Variants in C12orf42 observed in about 807,000 individuals in gnomAD.
The protein encoded by C12orf42 is chromosome 12 open reading frame 42.
Under a neutral mutation model 21.6 loss-of-function variants are expected in C12orf42, and 25 were observed. That is an observed-to-expected ratio of 1.16 (90% CI 0.84 to 1.62). The LOEUF is 1.62. Ranked by LOEUF, C12orf42 falls within the 40% of genes most tolerant of loss-of-function variation. The pLI, the probability that C12orf42 is intolerant of heterozygous loss-of-function variation, is 0.00. For synonymous variants in C12orf42, 174 were observed against 175.0 expected, an observed-to-expected ratio of 0.99 and a Z score of 0.05; for missense variants, 483 against 459.3, an observed-to-expected ratio of 1.05 and a Z score of -0.47.
the C12orf42 span, among the ~76,000 whole-genome samples, chr12:103,122,637 G>T: frequency 6.6e-6 from 1 of 152,294 alleles, no homozygotes; most frequent in South Asian, 2.1e-4. Flanking sequence ...TCTTCAGAAA[G>T]AACATTTTGG....
the C12orf42 span, among the ~76,000 whole-genome samples, chr12:103,152,850 G>GTATTAAATTATTAAATATTAAAAAAAT: frequency 5.7e-4 from 86 of 152,122 alleles, no homozygotes; most frequent in African/African-American, 2.0e-3. Flanking sequence ...AAATAAAGGG[G>GTATTAAATTATTAAATATTAAAAAAAT]ATCTAAACAA....
the C12orf42 span, among the ~76,000 whole-genome samples, chr12:103,062,209 T>C: frequency 6.6e-6 from 1 of 151,292 alleles, no homozygotes; most frequent in South Asian, 2.1e-4. Context: ...TATTTATATA[T>C]ATACATATAT....
chr12:103,372,735 A>G, intron 3 of C12orf42, among the ~76,000 whole-genome samples: 1 of 152,122 alleles, frequency 6.6e-6, no homozygotes, highest in East Asian at 1.9e-4. Flanking sequence ...AAGTATGACA[A>G]AGTAGGAAAA....
At chr12:103,293,492 C>G (rs1695522993) in intron 4 of C12orf42, among the ~76,000 whole-genome samples, 1 of 152,144 alleles carries the variant, frequency 6.6e-6, no homozygotes, top group Admixed American at 6.6e-5. Context: ...AAATCCTCCA[C>G]ACTCCAAAAT....
chr12:103,276,436 G>C (rs977235439), intron 5 of C12orf42, among the ~76,000 whole-genome samples: 5 of 152,100 alleles, frequency 3.3e-5, no homozygotes, highest in African/African-American at 1.2e-4. Flanking sequence ...CTCTTCCCTG[G>C]TACTCTCCCC....
chr12:103,491,254 T>C (rs962838120), intron 1 of C12orf42, among the ~76,000 whole-genome samples: 1 of 152,208 alleles, frequency 6.6e-6, no homozygotes, highest in African/African-American at 2.4e-5. Flanking sequence ...AATTATTTTT[T>C]CCCATCAATA....
intron 4 of C12orf42, among the ~76,000 whole-genome samples, chr12:103,284,357 G>C (rs2036311832): frequency 6.6e-6 from 1 of 152,132 alleles, no homozygotes; most frequent in Non-Finnish European, 1.5e-5. Flanking sequence ...AACTGGAAAA[G>C]AAACACAGAG....
At chr12:103,081,456 C>T in the C12orf42 span, 1 of 152,036 alleles carries the variant, frequency 6.6e-6, no homozygotes, top group African/African-American at 2.4e-5. Context: ...TTGTGTTGCA[C>T]CTTTTATTTC....
chr12:103,146,588 G>GAAAGAAAGAAAGAAAGAAAGAAAAAGAA, the C12orf42 span, among the ~76,000 whole-genome samples: 1 of 148,240 alleles, frequency 6.7e-6, no homozygotes, highest in African/African-American at 2.5e-5. Flanking sequence ...AAGAAAGAAA[G>GAAAGAAAGAAAGAAAGAAAGAAAAAGAA]AAAGAAAGAA....
the C12orf42 span, among the ~76,000 whole-genome samples, chr12:103,519,804 G>A: frequency 2.0e-5 from 3 of 152,098 alleles, no homozygotes; most frequent in Non-Finnish European, 2.9e-5. Flanking sequence ...CAGATGACTG[G>A]AGTCAGGAAA....
chr12:103,390,944 TCTCA>T (rs2047025111), intron 3 of C12orf42, among the ~76,000 whole-genome samples: 1 of 152,234 alleles, frequency 6.6e-6, no homozygotes, highest in African/African-American at 2.4e-5. Context: ...TTAAAAATGT[TCTCA>T]CTGACACATC....
rs192905797 is a variant in C12orf42, at chr12:103,331,854, A to G, written c.260-25509T>C. On this transcript the variant is annotated intron_variant, in intron 4 of 5. Coordinates refer to ENST00000548883, the MANE Select transcript of C12orf42 (RefSeq NM_198521.5). ...ATAGTCATTGCCCACAAGGGGGAAG[A>G]CACAGGATAGCAGTATAGGCAGGAA... is the stretch of plus-strand genomic sequence containing the variant. Among the ~76,000 whole-genome samples the G allele has an allele frequency of 5.3e-5, 8 of 152,334 alleles. No homozygotes were observed. In the East Asian group the frequency reaches 1.5e-3, roughly 29 times the overall value.
chr12:103,113,325 A>C, the C12orf42 span, among the ~76,000 whole-genome samples: 2 of 152,208 alleles, frequency 1.3e-5, no homozygotes, highest in African/African-American at 4.8e-5. Context: ...TTTAGCCCAA[A>C]GGGAAACAAA....
intron 4 of C12orf42, among the ~76,000 whole-genome samples, chr12:103,368,292 TTCTC>T (rs574082592): frequency 6.9e-6 from 1 of 144,100 alleles, no homozygotes; most frequent in South Asian, 2.2e-4. Context: ...TTATCTGCCT[TTCTC>T]TCTCTTTCTG....
chr12:103,560,154 A>AGAGT, the C12orf42 span, among the ~76,000 whole-genome samples: 32 of 152,346 alleles, frequency 2.1e-4, no homozygotes, highest in African/African-American at 7.2e-4. Context: ...ACTGGTCATT[A>AGAGT]ATGTCCCCAT....
chr12:103,460,744 G>A (rs1331401675), intron 2 of C12orf42, among the ~76,000 whole-genome samples: 1 of 152,136 alleles, frequency 6.6e-6, no homozygotes, highest in Non-Finnish European at 1.5e-5. Flanking sequence ...ATTTTAGTAA[G>A]AAATCCCATC....
At chr12:103,168,103 G>C in the C12orf42 span, 34 of 455,880 alleles carry the variant, frequency 7.5e-5, no homozygotes, top group African/African-American at 6.2e-4. Flanking sequence ...CACCACAATG[G>C]AAGTCTTTAA....
chr12:103,355,996 A>G (rs2043509750), intron 4 of C12orf42, among the ~76,000 whole-genome samples: 1 of 152,116 alleles, frequency 6.6e-6, no homozygotes, highest in South Asian at 2.1e-4. Context: ...AGATATTATC[A>G]TGATCCTCAT....
intron 1 of C12orf42, among the ~76,000 whole-genome samples, chr12:103,479,046 T>C (rs1954277750): frequency 6.6e-6 from 1 of 152,128 alleles, no homozygotes; most frequent in African/African-American, 2.4e-5. Flanking sequence ...ACATATAGCT[T>C]AGGTCCTCAA....
Sources: gnomAD v4.1 joint callset for allele counts (sites outside exome capture counted in the v4.1 genomes callset) on GRCh38, gnomAD v4.1.1 for gene constraint, MANE v1.5 for transcripts, NCBI Gene and HGNC (gene_info 2026-07-23, HGNC 2026-07-21) for gene names.